The following CIP2A variants were observed in gnomAD, a reference collection of about 807,000 sequenced individuals.
CIP2A encodes protein CIP2A.
Under a neutral mutation model 110.9 loss-of-function variants are expected in CIP2A, and 103 were observed. That is an observed-to-expected ratio of 0.93 (90% CI 0.79 to 1.09). The LOEUF is 1.09. Ranked by LOEUF, CIP2A falls within the 50% of genes least tolerant of loss-of-function variation. The pLI is 0.00. For missense variants in CIP2A, 1,088 were observed against 1,038.4 expected (o/e 1.05, Z -0.66); for synonymous variants, 381 against 361.6 (o/e 1.05, Z -0.61).
chr3:108,552,572 T>A (rs190536588), intron 19 of CIP2A, among the ~76,000 whole-genome samples, 199 bp from the exon 20 acceptor site: 1 of 152,060 alleles, frequency 6.6e-6, no homozygotes, highest in South Asian at 2.1e-4. Flanking sequence ...ATATGCTATA[T>A]AGGTAAAGGA....
In CIP2A at chr3:108,581,493, C is replaced by G; in HGVS notation, c.471G>C (p.Glu157Asp). The G allele has an allele frequency of 6.2e-7, 1 of 1,610,666 alleles. No individual in the cohort carries two copies. The highest frequency in any genetic ancestry group is 8.5e-7 in the Non-Finnish European group (1 of 1,177,264). The change falls in exon 5 of 21, where the codon GAG becomes GAC. Residue 157 changes from glutamate to aspartate, a missense_variant. Coordinates refer to ENST00000295746, the MANE Select transcript of CIP2A (RefSeq NM_020890.3). ...LIDHIQSSED[E>D]LKMPCLGLLA... ...ATAATCCTAGACAAGGCATTTTTAA[C>G]TCATCTTCAGAAGATTGACTGTTGT... is the stretch of plus-strand genomic sequence containing the variant.
intron 5 of CIP2A, 23 bp from the exon 6 acceptor site, chr3:108,579,711 A>G: frequency 7.0e-7 from 1 of 1,431,184 alleles, no homozygotes; most frequent in Non-Finnish European, 9.4e-7. Flanking sequence ...AAGTTAAAAA[A>G]TAAATTAGAA....
Position 108,553,677 on chromosome 3 carries a change from T to C in CIP2A, c.2378A>G (p.Gln793Arg). Residue 793 changes from glutamine to arginine, a missense_variant, in exon 19 of 21, where the codon CAG becomes CGG. Physicochemically the swap from Gln to Arg is conservative, Grantham distance 43 (BLOSUM62 1). Transcript: ENST00000295746. ...KEEQRKEVQN[Q>R]LVDREHKLAN... ...TAGCTTATGTTCTCTGTCTACTAGC[T>C]GATTCTGTACTTCTTTTCTCTGTTC... The C allele has an allele frequency of 1.3e-6, 2 of 1,522,004 alleles. No individual in the cohort carries two copies. Among genetic ancestry groups the C allele is most frequent in the Non-Finnish European group, 1.8e-6 (2 of 1,098,188 alleles). 94.3% of individuals were successfully genotyped at this position (1,522,004 alleles called of 1,614,324 possible). A position where few individuals can be genotyped will look rare whatever the true frequency, so the allele number is the denominator to read the frequency against.
intron 7 of CIP2A, 98 bp from the exon 8 acceptor site, chr3:108,576,444 T>G (rs950021075): frequency 1.3e-5 from 8 of 621,534 alleles, no homozygotes; most frequent in African/African-American, 2.0e-5. Context: ...TATGTGTATT[T>G]TCTTTCATCT....
chr3:108,555,981 T>C (rs1158389328), intron 17 of CIP2A, among the ~76,000 whole-genome samples: 1 of 152,148 alleles, frequency 6.6e-6, no homozygotes. Context: ...ACTGCAAACC[T>C]TGGTGCAGAT....
intron 14 of CIP2A, 48 bp from the exon 15 acceptor site, chr3:108,560,076 A>T: frequency 2.8e-6 from 3 of 1,083,228 alleles, no homozygotes; most frequent in Non-Finnish European, 4.1e-6. Flanking sequence ...AAATATTTTG[A>T]CACAATGACA....
intron 2 of CIP2A, 62 bp downstream of exon 2, chr3:108,585,003 G>T: frequency 6.9e-7 from 1 of 1,443,064 alleles, no homozygotes; most frequent in Non-Finnish European, 9.5e-7. Context: ...AACTAAGCCT[G>T]CACTTTAAAA....
Position 108,575,329 on chromosome 3 carries a change from C to CGTGTATATATACATATACACACAT in CIP2A, c.894+918_894+941dup, listed in dbSNP as rs1185875172. Among the ~76,000 whole-genome samples the CGTGTATATATACATATACACACAT allele has an allele frequency of 7.1e-4, 106 of 149,444 alleles. 1 individual carries two copies. Among genetic ancestry groups the CGTGTATATATACATATACACACAT allele is most frequent in the African/African-American group, 2.5e-3 (100 of 40,172 alleles). On this transcript the variant is annotated intron_variant, in intron 8 of 20. Coordinates refer to ENST00000295746, the MANE Select transcript of CIP2A (RefSeq NM_020890.3). ...GTACACACACGTGCATGTACACACACGTGTATATATACATATACACACATG... is the reference window on the plus strand; with the variant it reads ...GTACACACACGTGCATGTACACACACGTGTATATATACATATACACACATGTGTATATATACATATACACACATG...
At chr3:108,562,550 G>C (rs1234754677) in intron 13 of CIP2A, among the ~76,000 whole-genome samples, 1 of 152,052 alleles carries the variant, frequency 6.6e-6, no homozygotes, top group African/African-American at 2.4e-5. Context: ...TTAGTTCAGA[G>C]AGCCCTGAAA....
Position 108,569,458 on chromosome 3 carries a change from T to C in CIP2A, c.1044A>G (p.Leu348=). 6.2e-7 allele frequency: 1 copy of C among 1,612,814 alleles called. No individual in the cohort carries two copies. The highest frequency in any genetic ancestry group is 8.5e-7 in the Non-Finnish European group (1 of 1,179,324). Residue 348 remains leucine (L), a synonymous_variant, in exon 9 of 21, where the codon TTA becomes TTG. Coordinates refer to ENST00000295746, the MANE Select transcript of CIP2A (RefSeq NM_020890.3). Reference sequence around the variant, plus strand: ...TTTCTGATCCGTCCAAAGGTTGGCTTAACCAGCGCAGTAGAGCCACAGTAG... The same window carrying C: ...TTTCTGATCCGTCCAAAGGTTGGCTCAACCAGCGCAGTAGAGCCACAGTAG... ...LEPTVALLRW[L]SQPLDGSENC... is the part of the protein sequence containing the mutation.
Position 108,551,085 on chromosome 3 carries a change from C to T in CIP2A, c.*64G>A. ...CACAAATTAACTCCCCTACCCACCC[C>T]CCCTCCAATAGATAAATACATCAAA... On this transcript the variant is annotated 3_prime_UTR_variant, in exon 21 of 21. Coordinates refer to ENST00000295746, the MANE Select transcript of CIP2A (RefSeq NM_020890.3). 1 of 594,674 alleles carries T rather than the reference C, an allele frequency of 1.7e-6. No individual in the cohort carries two copies. Among genetic ancestry groups the T allele is most frequent in the Non-Finnish European group, 2.7e-6 (1 of 371,110 alleles). 36.8% of individuals were successfully genotyped at this position (594,674 alleles called of 1,614,324 possible).
intron 20 of CIP2A, among the ~76,000 whole-genome samples, chr3:108,551,902 A>G (rs1358016493): frequency 6.6e-6 from 1 of 152,156 alleles, no homozygotes; most frequent in East Asian, 1.9e-4. Context: ...TTGTAAGTTG[A>G]AAATATTTAT....
intron 8 of CIP2A, among the ~76,000 whole-genome samples, chr3:108,575,335 T>A (rs1938544785): frequency 6.7e-6 from 1 of 149,000 alleles, no homozygotes; most frequent in African/African-American, 2.5e-5. Context: ...CACACGTGTA[T>A]ATATACATAT....
At chr3:108,554,606 G>C (rs1937721466) in intron 17 of CIP2A, 117 bp from the exon 18 acceptor site, 1 of 552,764 alleles carries the variant, frequency 1.8e-6, no homozygotes, top group African/African-American at 1.9e-5. Context: ...TGCTGGAAGA[G>C]AAGGAATGTT....
chr3:108,563,285 T>TAAAC (rs763068779), intron 12 of CIP2A, 41 bp from the exon 13 acceptor site: 15 of 1,184,252 alleles, frequency 1.3e-5, no homozygotes, highest in Non-Finnish European at 1.9e-5. Context: ...GCAGAAAGAA[T>TAAAC]AAACAATGTC....
At chr3:108,572,532 G>T (rs981303532) in intron 8 of CIP2A, among the ~76,000 whole-genome samples, 8 of 151,882 alleles carry the variant, frequency 5.3e-5, no homozygotes, top group African/African-American at 1.9e-4. Context: ...CCACTGGGCT[G>T]TCTATCATTA....
chr3:108,553,029 G>A (rs556224532), intron 19 of CIP2A, among the ~76,000 whole-genome samples: 3 of 150,284 alleles, frequency 2.0e-5, no homozygotes, highest in South Asian at 2.1e-4. Context: ...TATACCCAGT[G>A]TAACAGACCT....
rs867289208 is a variant in CIP2A, at chr3:108,568,176, T to C, written c.1252A>G (p.Lys418Glu). Residue 418 changes from lysine to glutamate, a missense_variant, in exon 10 of 21, where the codon AAG becomes GAG. Coordinates refer to ENST00000295746, the MANE Select transcript of CIP2A (RefSeq NM_020890.3). ...ATATTTAACAAAACTTCAATGGCCT[T>C]GGCAATCCTTTCACATTTTTTTCTT... ...LTRKKCERIA[K>E]AIEVLLTLCG... 1.7e-5 allele frequency: 28 copies of C among 1,612,010 alleles called. No homozygotes were observed. In the African/African-American group the frequency reaches 3.3e-4, roughly 19 times the overall value.
Position 108,568,066 on chromosome 3 carries a change from C to T in CIP2A, c.1273+89G>A, listed in dbSNP as rs989608001. On this transcript the variant is annotated intron_variant, in intron 10 of 20. Transcript: ENST00000295746. ...AATATGAGCATAAAGTGACAAATTA[C>T]AAATAAAGACAAAATGCAGTGAATG... 3.0e-6 allele frequency: 3 copies of T among 995,626 alleles called. No individual in the cohort carries two copies. The South Asian group carries it at 7.1e-5, about 24-fold the overall frequency. 61.7% of individuals were successfully genotyped at this position (995,626 alleles called of 1,614,324 possible).
Sources: allele counts gnomAD v4.1 joint callset (sites outside exome capture counted in the v4.1 genomes callset), GRCh38; gene constraint gnomAD v4.1.1; transcripts MANE v1.5; gene names NCBI Gene and HGNC (gene_info 2026-07-23, HGNC 2026-07-21).